Variants in RAPGEF2 observed in about 807,000 individuals in gnomAD.
RAPGEF2 encodes PDZ domain containing guanine nucleotide exchange factor (GEF) 1.
In RAPGEF2, 54 loss-of-function variants were observed where a neutral mutation model predicts 186.7. That is an observed-to-expected ratio of 0.29 (90% CI 0.23 to 0.36). RAPGEF2 has a LOEUF of 0.36. RAPGEF2 is among the 10% of genes least tolerant of loss of function. The pLI, the probability that RAPGEF2 is intolerant of heterozygous loss-of-function variation, is 1.00. For missense variants in RAPGEF2, 1,532 were observed against 2,045.0 expected (o/e 0.75, Z 4.84); for synonymous variants, 712 against 705.9 (o/e 1.01, Z -0.14).
chr4:159,182,398 T>A (rs539632623), intron 1 of RAPGEF2, among the ~76,000 whole-genome samples: 3,560 of 140,798 alleles, frequency 0.025, 151 homozygotes, highest in African/African-American at 0.09. Context: ...TTTTTTTTTT[T>A]TTTTTTTTTT....
At chr4:159,352,071 G>C (rs1731266560) in intron 26 of RAPGEF2, among the ~76,000 whole-genome samples, 1 of 152,210 alleles carries the variant, frequency 6.6e-6, no homozygotes, top group Admixed American at 6.5e-5. Context: ...ATATTCTATA[G>C]TAATGATCTT....
chr4:159,343,239 T>G, intron 21 of RAPGEF2, 42 bp from the exon 22 acceptor site: 1 of 1,614,052 alleles, frequency 6.2e-7, no homozygotes, highest in African/African-American at 1.3e-5. Flanking sequence ...AAGCACAGAA[T>G]AAATGCCATG....
At chr4:159,351,307 T>C (rs968219522) in intron 26 of RAPGEF2, 5 of 1,132,228 alleles carry the variant, frequency 4.4e-6, no homozygotes, top group Admixed American at 2.9e-5. Context: ...TGAAACTTTT[T>C]TTTTTTTAAG....
At chr4:159,105,096 G>A (rs1027652555) in intron 1 of RAPGEF2, among the ~76,000 whole-genome samples, 2 of 152,220 alleles carry the variant, frequency 1.3e-5, no homozygotes, top group Admixed American at 6.5e-5. Flanking sequence ...GGATTTGGTT[G>A]TCTCAAGTTT....
intron 7 of RAPGEF2, among the ~76,000 whole-genome samples, chr4:159,295,720 AGTGT>A (rs71589223): frequency 0.14 from 18,578 of 133,784 alleles, 1,319 homozygotes; most frequent in South Asian, 0.17. Flanking sequence ...AGAGTGTGTG[AGTGT>A]GTGTGTGTGT....
At chr4:159,110,253 G>T (rs958250865) in intron 1 of RAPGEF2, among the ~76,000 whole-genome samples, 1 of 152,070 alleles carries the variant, frequency 6.6e-6, no homozygotes, top group Non-Finnish European at 1.5e-5. Flanking sequence ...TCTACTACAT[G>T]TACATTCTGG....
At chr4:159,319,770 T>G (rs923846814) in intron 9 of RAPGEF2, among the ~76,000 whole-genome samples, 4 of 141,812 alleles carry the variant, frequency 2.8e-5, no homozygotes, top group East Asian at 2.0e-4. Flanking sequence ...TATCCTGTGG[T>G]TTTTTTTTTA....
chr4:159,290,230 T>A (rs6842228), intron 7 of RAPGEF2, among the ~76,000 whole-genome samples: 1 of 152,060 alleles, frequency 6.6e-6, no homozygotes, highest in Non-Finnish European at 1.5e-5. Context: ...GGTCAATTTT[T>A]TAAGTTCTGG....
chr4:159,353,426 A>G lies in RAPGEF2; in HGVS notation c.4092-61A>G, dbSNP rs1440474295. ...GGAAAAAGGGTATTTTGGTTTTATC[A>G]TAGGTGAATTAGTTATCAATCTTGT... is the stretch of plus-strand genomic sequence containing the variant. On this transcript the variant is annotated intron_variant, in intron 27 of 29. Transcript: ENST00000691494. This position sits in a 1 kb window ranked among gnomAD's most constrained non-coding sequence, Gnocchi z 4.3. 67 of 1,333,600 alleles carry G rather than the reference A, an allele frequency of 5.0e-5. No homozygotes were observed. Among genetic ancestry groups the G allele is most frequent in the East Asian group, 3.0e-4 (12 of 39,886 alleles). 82.6% of individuals were successfully genotyped at this position (1,333,600 alleles called of 1,614,324 possible).
intron 4 of RAPGEF2, among the ~76,000 whole-genome samples, chr4:159,236,599 TA>T (rs1753289176): frequency 6.6e-6 from 1 of 151,794 alleles, no homozygotes; most frequent in African/African-American, 2.4e-5. Flanking sequence ...ATGTTACATT[TA>T]AAAACGCATA....
chr4:159,298,837 G>A (rs552016947), intron 7 of RAPGEF2, among the ~76,000 whole-genome samples: 4 of 152,270 alleles, frequency 2.6e-5, no homozygotes, highest in East Asian at 1.9e-4. Context: ...AGTCTGGTCC[G>A]TGATGATCTG....
chr4:159,127,187 A>G (rs1055904958), intron 1 of RAPGEF2, among the ~76,000 whole-genome samples: 2 of 151,988 alleles, frequency 1.3e-5, no homozygotes, highest in Non-Finnish European at 2.9e-5. Context: ...CCACCACACC[A>G]GGGTAATTTT....
At chr4:159,305,169 G>A (rs755652001) in intron 8 of RAPGEF2, among the ~76,000 whole-genome samples, 3 of 152,152 alleles carry the variant, frequency 2.0e-5, no homozygotes, top group African/African-American at 4.8e-5. Context: ...TTGATACAAT[G>A]ATTTATTTTC....
chr4:159,276,075 A>G (rs373733716), intron 7 of RAPGEF2, among the ~76,000 whole-genome samples: 58 of 152,294 alleles, frequency 3.8e-4, no homozygotes, highest in African/African-American at 1.3e-3. Context: ...GTATCCCAGT[A>G]TCTTTAATTG....
chr4:159,233,636 G>A (rs1752891879), intron 4 of RAPGEF2, among the ~76,000 whole-genome samples: 1 of 152,078 alleles, frequency 6.6e-6, no homozygotes, highest in African/African-American at 2.4e-5. Flanking sequence ...TGTGAGAAGG[G>A]GGTGAGGGAT....
chr4:159,317,305 G>A (rs989996465), intron 9 of RAPGEF2, among the ~76,000 whole-genome samples: 1 of 152,152 alleles, frequency 6.6e-6, no homozygotes, highest in Admixed American at 6.5e-5. Flanking sequence ...ATGTGGGTGA[G>A]CACCTTCTAT....
intron 8 of RAPGEF2, among the ~76,000 whole-genome samples, chr4:159,305,675 G>C (rs1344804504): frequency 6.6e-6 from 1 of 152,050 alleles, no homozygotes; most frequent in Admixed American, 6.6e-5. Context: ...AAGGTTTTTA[G>C]TTTTATTAAG....
intron 7 of RAPGEF2, among the ~76,000 whole-genome samples, chr4:159,278,894 A>C (rs770575972): frequency 6.6e-6 from 1 of 152,212 alleles, no homozygotes; most frequent in East Asian, 1.9e-4. Context: ...TTTTATCCAC[A>C]CTATCCAGGA....
Position 159,345,198 on chromosome 4 carries a change from A to G in RAPGEF2, c.3371A>G (p.Asn1124Ser), listed in dbSNP as rs757531615. The G allele has an allele frequency of 5.6e-5, 90 of 1,614,048 alleles. No individual in the cohort carries two copies. The highest frequency in any genetic ancestry group is 6.9e-5 in the Non-Finnish European group (82 of 1,180,026). Residue 1124 changes from asparagine to serine, a missense_variant, in exon 24 of 30, where the codon AAT becomes AGT. Physicochemically the swap from Asn to Ser is conservative, Grantham distance 46. This residue lies in a region of RAPGEF2 where 117 missense variants were observed against 180.8 expected (regional missense o/e 0.65). Transcript: ENST00000691494. ...CGGGTACGTCGTAGTTCCTTTCTCA[A>G]TGCCAAAAAGCTTTATGAAGATGCC... ...KKRVRRSSFL[N>S]AKKLYEDAQM...
Sources: gnomAD v4.1 joint callset for allele counts (sites outside exome capture counted in the v4.1 genomes callset) on GRCh38, gnomAD v4.1.1 for gene constraint, gnomAD v4.1.1 regional missense constraint, Gnocchi (gnomAD v3.1) non-coding constraint, MANE v1.5 for transcripts, NCBI Gene and HGNC (gene_info 2026-07-23, HGNC 2026-07-21) for gene names.